The following RASEF variants were observed in gnomAD, a reference collection of about 807,000 sequenced individuals.
RASEF encodes the protein ras and EF-hand domain-containing protein.
RASEF carries 68 observed loss-of-function variants against 90.1 expected under a neutral mutation model. The ratio of observed to expected loss-of-function variants is 0.75; its 90% CI spans 0.62 to 0.92. The LOEUF (loss-of-function observed/expected upper bound fraction) is 0.92, where lower values mean the gene tolerates loss of function less well. RASEF is among the 40% of genes least tolerant of loss of function. The probability of loss-of-function intolerance (pLI) is 0.00; values close to 1 mark genes in which losing one functional copy is unlikely to be tolerated. For synonymous variants in RASEF, 331 were observed against 345.2 expected (o/e 0.96, Z 0.46); for missense variants, 949 against 937.2 (o/e 1.01, Z -0.16).
At chr9:83,193,183 T>TCCCACACGCCTTCCTG in the RASEF span, among the ~76,000 whole-genome samples, 4 of 152,238 alleles carry the variant, frequency 2.6e-5, no homozygotes, top group Non-Finnish European at 4.4e-5. Flanking sequence ...GGCAGGCAGC[T>TCCCACACGCCTTCCTG]GTAGTGCCAG....
At chr9:83,215,899 A>G in the RASEF span, among the ~76,000 whole-genome samples, 1 of 152,178 alleles carries the variant, frequency 6.6e-6, no homozygotes, top group Non-Finnish European at 1.5e-5. Context: ...CAAAATGTTG[A>G]TAGTGATATA....
chr9:83,023,188 T>C (rs1439891220), intron 2 of RASEF, among the ~76,000 whole-genome samples: 1 of 152,088 alleles, frequency 6.6e-6, no homozygotes, highest in Non-Finnish European at 1.5e-5. Flanking sequence ...TATGTTAAAG[T>C]GAGAAGGGAA....
chr9:83,184,921 CGGAACGTG>C, the RASEF span, among the ~76,000 whole-genome samples: 1 of 152,114 alleles, frequency 6.6e-6, no homozygotes, highest in Non-Finnish European at 1.5e-5. Context: ...CAGGCAGTTC[CGGAACGTG>C]CAGCATCAGC....
intron 4 of RASEF, among the ~76,000 whole-genome samples, chr9:83,015,174 G>T (rs1005550529): frequency 2.0e-5 from 3 of 152,156 alleles, no homozygotes; most frequent in African/African-American, 7.2e-5. Context: ...GCTAGGGGTA[G>T]GGACACGGGG....
the RASEF span, among the ~76,000 whole-genome samples, chr9:83,198,751 A>G: frequency 6.6e-6 from 1 of 152,272 alleles, no homozygotes; most frequent in South Asian, 2.1e-4. Context: ...GCAGAGATGC[A>G]GGAGACAAAG....
At chr9:83,070,386 C>T in the RASEF span, among the ~76,000 whole-genome samples, 4 of 151,948 alleles carry the variant, frequency 2.6e-5, no homozygotes, top group Non-Finnish European at 4.4e-5. Context: ...AAACACTATC[C>T]TCTCCCTGTT....
At chr9:83,158,564 ATATATGTATATATGTT>A in the RASEF span, among the ~76,000 whole-genome samples, 15 of 148,490 alleles carry the variant, frequency 1.0e-4, no homozygotes, top group Admixed American at 3.4e-4. Context: ...ACATATATAC[ATATATGTATATATGTT>A]TATATGTATA....
chr9:83,087,392 A>C, the RASEF span, among the ~76,000 whole-genome samples: 1 of 100,690 alleles, frequency 9.9e-6, no homozygotes, highest in East Asian at 3.7e-4. Context: ...GCTCATACAA[A>C]TGTTCTCATT....
At chr9:83,061,184 G>A (rs1830194523) in intron 1 of RASEF, among the ~76,000 whole-genome samples, 1 of 152,172 alleles carries the variant, frequency 6.6e-6, no homozygotes, top group African/African-American at 2.4e-5. Flanking sequence ...TGGTTGGGGA[G>A]TAACTCATTT....
chr9:83,207,756 T>C, the RASEF span, among the ~76,000 whole-genome samples: 1 of 152,126 alleles, frequency 6.6e-6, no homozygotes, highest in Non-Finnish European at 1.5e-5. Context: ...TACAGGCATG[T>C]GCCCCCACAC....
At chr9:83,147,873 C>T in the RASEF span, among the ~76,000 whole-genome samples, 1 of 151,936 alleles carries the variant, frequency 6.6e-6, no homozygotes, top group Non-Finnish European at 1.5e-5. Context: ...TTTGGTCATC[C>T]CGCTGCCGAA....
At chr9:83,020,505 G>A (rs368222288) in intron 3 of RASEF, among the ~76,000 whole-genome samples, 2 of 152,180 alleles carry the variant, frequency 1.3e-5, no homozygotes, top group Non-Finnish European at 2.9e-5. Flanking sequence ...AAGTTTCCTC[G>A]CAGTGCCAAA....
the RASEF span, among the ~76,000 whole-genome samples, chr9:83,203,883 A>T: frequency 1.3e-5 from 2 of 152,182 alleles, no homozygotes; most frequent in Non-Finnish European, 2.9e-5. Flanking sequence ...AAACACTCAG[A>T]ACGCAAAACA....
the RASEF span, among the ~76,000 whole-genome samples, chr9:83,099,024 C>T: frequency 6.6e-6 from 1 of 152,314 alleles, no homozygotes; most frequent in Admixed American, 6.5e-5. Flanking sequence ...TAGATGTACA[C>T]ACCCACAGAG....
At chr9:83,151,433 C>A in the RASEF span, among the ~76,000 whole-genome samples, 1 of 151,988 alleles carries the variant, frequency 6.6e-6, no homozygotes, top group South Asian at 2.1e-4. Context: ...TCTAGATGGG[C>A]CAGCAGGTAG....
the RASEF span, among the ~76,000 whole-genome samples, chr9:83,128,619 C>T: frequency 1.1e-4 from 17 of 152,176 alleles, no homozygotes; most frequent in Admixed American, 5.2e-4. Context: ...AGAACTGTTC[C>T]ATCACTCAGT....
At chr9:83,144,326 GGAAAGAAA>G in the RASEF span, among the ~76,000 whole-genome samples, 338 of 39,432 alleles carry the variant, frequency 8.6e-3, 11 homozygotes, top group Non-Finnish European at 0.012. Context: ...AAAGAAAGAA[GGAAAGAAA>G]GAAAGAAAGA....
the RASEF span, among the ~76,000 whole-genome samples, chr9:83,212,765 T>G: frequency 6.6e-6 from 1 of 152,268 alleles, no homozygotes; most frequent in Middle Eastern, 3.4e-3. Context: ...GTGGGACTGC[T>G]TAGTGGGCTG....
At chr9:83,116,507 C>T in the RASEF span, among the ~76,000 whole-genome samples, 1 of 151,080 alleles carries the variant, frequency 6.6e-6, no homozygotes, top group African/African-American at 2.5e-5. Flanking sequence ...TGGGAATGAA[C>T]AGTATGAGCT....
Sources: gnomAD v4.1 joint callset for allele counts (sites outside exome capture counted in the v4.1 genomes callset) on GRCh38, gnomAD v4.1.1 for gene constraint, MANE v1.5 for transcripts, NCBI Gene and HGNC (gene_info 2026-07-23, HGNC 2026-07-21) for gene names.